Variants in ESYT2 observed in about 807,000 individuals in gnomAD.
The protein encoded by ESYT2 is extended synaptotagmin-2.
Under a neutral mutation model 107.2 loss-of-function variants are expected in ESYT2, and 54 were observed. The ratio of observed to expected loss-of-function variants is 0.50; its 90% CI spans 0.40 to 0.63. The LOEUF (loss-of-function observed/expected upper bound fraction) is 0.63. ESYT2 is among the 30% of genes least tolerant of loss of function. The probability of loss-of-function intolerance (pLI) is 0.00; values close to 1 mark genes in which losing one functional copy is unlikely to be tolerated. For synonymous variants in ESYT2, 491 were observed against 434.1 expected (o/e 1.13, Z -1.63); for missense variants, 1,020 against 1,094.5 (o/e 0.93, Z 0.96).
chr7:158,800,016 A>G (rs948293735), intron 1 of ESYT2, among the ~76,000 whole-genome samples: 3 of 151,922 alleles, frequency 2.0e-5, no homozygotes, highest in African/African-American at 7.3e-5. Flanking sequence ...ACACATTTGC[A>G]TATGCGTATG....
intron 2 of ESYT2, among the ~76,000 whole-genome samples, chr7:158,798,675 G>A (rs1365881003): frequency 1.7e-3 from 148 of 85,110 alleles, no homozygotes; most frequent in African/African-American, 3.3e-3. Context: ...AAAAAAAAAA[G>A]ACTGTTATTG....
intron 3 of ESYT2, among the ~76,000 whole-genome samples, chr7:158,796,229 T>C (rs924442626): frequency 2.0e-5 from 3 of 152,202 alleles, no homozygotes; most frequent in Non-Finnish European, 2.9e-5. Context: ...TAAAACAATG[T>C]TACCTTGGAC....
rs1231284129 is a variant in ESYT2 at position 158,731,965 on chromosome 7, G to A, written c.*2242C>T. The A allele has an allele frequency of 6.6e-6, 1 of 152,064 alleles. No homozygotes were observed. The highest frequency in any genetic ancestry group is 6.6e-5 in the Admixed American group (1 of 15,260). 9.4% of individuals were successfully genotyped at this position (152,064 alleles called of 1,614,324 possible). ...AAGAGAATGGAGGCAGCTACTGGAG[G>A]CCAAGCACCTCCAGGCACTCAAGGC... On this transcript the variant is annotated 3_prime_UTR_variant, in exon 23 of 23. Coordinates refer to ENST00000275418, the MANE Select transcript of ESYT2 (RefSeq NM_001367773.1).
At chr7:158,773,952 GT>G (rs1838462918) in intron 6 of ESYT2, among the ~76,000 whole-genome samples, 2 of 152,106 alleles carry the variant, frequency 1.3e-5, no homozygotes, top group Admixed American at 6.5e-5. Flanking sequence ...CTTTATCATT[GT>G]TTTACTTTGT....
At chr7:158,777,216 T>C (rs1038401005) in intron 6 of ESYT2, among the ~76,000 whole-genome samples, 1 of 152,068 alleles carries the variant, frequency 6.6e-6, no homozygotes, top group South Asian at 2.1e-4. Flanking sequence ...TAAAGGCCAC[T>C]GCAGGGTTGT....
chr7:158,820,025 C>T (rs986593163), intron 1 of ESYT2, among the ~76,000 whole-genome samples: 4 of 152,194 alleles, frequency 2.6e-5, no homozygotes, highest in Admixed American at 6.5e-5. Flanking sequence ...CACAAGTGCA[C>T]GTGGGATGTG....
intron 10 of ESYT2, 144 bp downstream of exon 10, chr7:158,762,939 C>T: frequency 2.0e-6 from 1 of 512,212 alleles, no homozygotes; most frequent in Admixed American, 3.3e-5. Context: ...TTAAGAAATC[C>T]AAGGTGAAAC....
In ESYT2 at chr7:158,771,756, G is replaced by A. The variant is rs532454893; in HGVS notation, c.803+1585C>T. Among the ~76,000 whole-genome samples, 13 of 152,300 alleles carry A rather than the reference G, an allele frequency of 8.5e-5. No homozygotes were observed. The East Asian group carries it at 1.4e-3, about 16-fold the overall frequency. On this transcript the variant is annotated intron_variant, in intron 7 of 22. Transcript: ENST00000275418. ...GCACAGCTGTGTCCCATGCACGAGC[G>A]GCTGCAGCTAGCTCAGAGCAGGCAG...
rs201437070 is a variant in ESYT2 at position 158,764,710 on chromosome 7, C to G, written c.1068G>C (p.Glu356Asp). Residue 356 changes from glutamate to aspartate, a missense_variant, in exon 9 of 23, where the codon GAG (glutamate) becomes GAC (aspartate). Transcript: ENST00000275418. Reference protein sequence around the residue: ...NQIFQSRVIKENLSPKWNEVY... With the variant: ...NQIFQSRVIKDNLSPKWNEVY... ...CTTCATTCCACTTTGGACTGAGGTT[C>G]TCCTTGATGACTCTGCTTTGGAAGA... 3 of 1,614,204 alleles carry G rather than the reference C, an allele frequency of 1.9e-6. No homozygotes were observed. Among genetic ancestry groups the G allele is most frequent in the East Asian group, 4.5e-5 (2 of 44,870 alleles).
chr7:158,799,314 A>G (rs891658714), intron 1 of ESYT2, among the ~76,000 whole-genome samples: 1 of 152,232 alleles, frequency 6.6e-6, no homozygotes, highest in African/African-American at 2.4e-5. Context: ...ATGCCATCAG[A>G]GTCTTCTCTG....
At chr7:158,824,063 A>T (rs1840367984) in intron 1 of ESYT2, among the ~76,000 whole-genome samples, 1 of 152,192 alleles carries the variant, frequency 6.6e-6, no homozygotes. Context: ...TTTTTAGCTT[A>T]AACTAAAAAC....
intron 6 of ESYT2, among the ~76,000 whole-genome samples, chr7:158,773,865 T>C (rs910314588): frequency 6.6e-6 from 1 of 152,224 alleles, no homozygotes; most frequent in African/African-American, 2.4e-5. Context: ...CCAACCAAAG[T>C]GTATGAAAAT....
chr7:158,825,450 A>G (rs921232487), intron 1 of ESYT2, among the ~76,000 whole-genome samples: 4 of 152,228 alleles, frequency 2.6e-5, no homozygotes, highest in African/African-American at 9.7e-5. Flanking sequence ...TCCCCTAAGC[A>G]GTTGGAACAT....
intron 13 of ESYT2, among the ~76,000 whole-genome samples, chr7:158,754,763 G>A (rs757209649): frequency 5.9e-5 from 9 of 152,178 alleles, no homozygotes; most frequent in East Asian, 1.9e-4. Flanking sequence ...CTGGGCCCAC[G>A]CTGAGTTCCA....
chr7:158,813,452 G>GT (rs149285276), intron 1 of ESYT2, among the ~76,000 whole-genome samples: 1,936 of 152,324 alleles, frequency 0.013, 46 homozygotes, highest in African/African-American at 0.044. Context: ...CTCATTAGTT[G>GT]TGACAGACAT....
intron 1 of ESYT2, among the ~76,000 whole-genome samples, chr7:158,816,177 C>CA (rs915087663): frequency 3.3e-5 from 5 of 152,122 alleles, no homozygotes; most frequent in African/African-American, 1.2e-4. Context: ...TCCATCTCTA[C>CA]AAAAAATGTT....
chr7:158,751,848 G>C (rs138030438), intron 14 of ESYT2, among the ~76,000 whole-genome samples: 83 of 152,318 alleles, frequency 5.4e-4, no homozygotes, highest in African/African-American at 1.9e-3. Context: ...GCAAAGAAGA[G>C]TGTTGATGTA....
chr7:158,743,585 A>G lies in ESYT2; in HGVS notation c.1738T>C (p.Phe580Leu), dbSNP rs1268513643. The G allele has an allele frequency of 1.9e-6, 3 of 1,613,220 alleles. No homozygotes were observed. The highest frequency in any genetic ancestry group is 4.5e-5 in the East Asian group (2 of 44,666). The change falls in exon 17 of 23, where the codon TTC becomes CTC. Residue 580 changes from phenylalanine (F) to leucine (L), a missense_variant. Transcript: ENST00000275418. ...TTTGGACCCGAGTTACTGAGCTGGA[A>G]GCGCTGGCTCACAGTCATGTCCTCA... ...TSEDMTVSQRFQLSNSGPNST... is the reference protein window; with the variant it reads ...TSEDMTVSQRLQLSNSGPNST...
At chr7:158,824,436 G>T (rs186891435) in intron 1 of ESYT2, among the ~76,000 whole-genome samples, 36 of 152,288 alleles carry the variant, frequency 2.4e-4, no homozygotes, top group Admixed American at 2.0e-3. Flanking sequence ...AAAAATATTT[G>T]CCCTTTCTTT....
Sources: gnomAD v4.1 joint callset for allele counts (sites outside exome capture counted in the v4.1 genomes callset) on GRCh38, gnomAD v4.1.1 for gene constraint, MANE v1.5 for transcripts, NCBI Gene and HGNC (gene_info 2026-07-23, HGNC 2026-07-21) for gene names.